The following MLKL variants were observed in gnomAD, a reference collection of about 807,000 sequenced individuals.
MLKL encodes mixed lineage kinase domain like pseudokinase, also known as mixed lineage kinase domain-like protein.
A neutral mutation model predicts 56.5 loss-of-function variants in MLKL; 55 were observed. The observed-to-expected ratio is 0.97, with a 90% CI of 0.78 to 1.22. The LOEUF (loss-of-function observed/expected upper bound fraction) is 1.22, where lower values mean the gene tolerates loss of function less well. Ranked by LOEUF, MLKL falls within the 50% of genes most tolerant of loss-of-function variation. MLKL has a pLI of 0.00. For missense variants in MLKL, 694 were observed against 573.9 expected, an observed-to-expected ratio of 1.21 and a Z score of -2.14; for synonymous variants, 251 against 208.3, an observed-to-expected ratio of 1.20 and a Z score of -1.76.
intron 4 of MLKL, 26 bp downstream of exon 4, chr16:74,691,251 C>T (rs373647414): frequency 1.5e-5 from 24 of 1,587,680 alleles, no homozygotes; most frequent in African/African-American, 1.1e-4. Context: ...TTGGTACACA[C>T]GAGAGAACCA....
chr16:74,684,688 G>C (rs1177661313), intron 5 of MLKL, among the ~76,000 whole-genome samples: 3 of 151,522 alleles, frequency 2.0e-5, no homozygotes, highest in African/African-American at 7.3e-5. Context: ...TAGAGACGGG[G>C]TTTCATCATG....
intron 5 of MLKL, among the ~76,000 whole-genome samples, chr16:74,683,274 C>A (rs1351854983): frequency 7.1e-6 from 1 of 140,538 alleles, no homozygotes; most frequent in Non-Finnish European, 1.5e-5. Context: ...GCCTGGGCAA[C>A]AGAGTGACAC....
rs1960975758 is a variant in MLKL, at chr16:74,695,526, T to C, written c.232A>G (p.Lys78Glu). 1 of 1,614,176 alleles carries C rather than the reference T, an allele frequency of 6.2e-7. No homozygotes were observed. The highest frequency in any genetic ancestry group is 8.5e-7 in the Non-Finnish European group (1 of 1,180,042). ...ALEEANGEIE[K>E]FSNRSNICRF... ...CAGATATTGGATCTATTGCTGAACT[T>C]TTCTATCTCCCCATTAGCCTCCTCC... The change falls in exon 2 of 11, where the codon AAG (lysine) becomes GAG (glutamate). Residue 78 changes from lysine to glutamate, a missense_variant. Transcript: ENST00000308807.
intron 5 of MLKL, among the ~76,000 whole-genome samples, chr16:74,684,781 C>A (rs909885581): frequency 6.6e-6 from 1 of 152,012 alleles, no homozygotes; most frequent in African/African-American, 2.4e-5. Flanking sequence ...CAGCGCCTGG[C>A]CAGGTAAGTT....
In MLKL at chr16:74,676,411, G is replaced by A. The variant is rs1959598869; in HGVS notation, c.1039-647C>T. 5.1e-6 allele frequency: 5 copies of A among 985,358 alleles called. No homozygotes were observed. The African/African-American group carries it at 8.7e-5, about 17-fold the overall frequency. The allele number at this position is 985,358 out of a possible 1,614,324, so 61.0% of individuals were successfully genotyped here. ...CTGAAGGCTGCCAGCCCCAAACTCA[G>A]CCAGGTACCCAAATCTAGGGGCAAT... On this transcript the variant is annotated intron_variant, in intron 7 of 10. Coordinates refer to ENST00000308807, the MANE Select transcript of MLKL (RefSeq NM_152649.4).
At chr16:74,690,944 T>G (rs1325430852) in intron 4 of MLKL, among the ~76,000 whole-genome samples, 3 of 151,846 alleles carry the variant, frequency 2.0e-5, no homozygotes, top group African/African-American at 4.8e-5. Context: ...GTTGTGAACA[T>G]GAAAAATGTA....
chr16:74,685,894 G>A (rs1438163296), intron 4 of MLKL, among the ~76,000 whole-genome samples: 1 of 151,884 alleles, frequency 6.6e-6, no homozygotes. Flanking sequence ...AAAAAGTCAA[G>A]TATTTGTTAC....
At chr16:74,676,374 A>G (rs2144451204) in intron 7 of MLKL, 4 of 985,456 alleles carry the variant, frequency 4.1e-6, no homozygotes, top group Non-Finnish European at 3.6e-6. Context: ...TGCCATTGAC[A>G]CCATTGGTGT....
chr16:74,700,128 C>A (rs183817696), intron 1 of MLKL, among the ~76,000 whole-genome samples: 1 of 151,936 alleles, frequency 6.6e-6, no homozygotes, highest in African/African-American at 2.4e-5. Flanking sequence ...TTTCCCTCTT[C>A]TCTCTCTCTC....
intron 2 of MLKL, among the ~76,000 whole-genome samples, chr16:74,694,542 A>G (rs972839640): frequency 2.0e-5 from 3 of 150,616 alleles, no homozygotes; most frequent in Admixed American, 2.0e-4. Context: ...AGGCAAGAGG[A>G]TCACTTGAGG....
Position 74,695,650 on chromosome 16 carries a change from G to A in MLKL, c.108C>T (p.Leu36=), listed in dbSNP as rs1428314127. Residue 36 remains leucine (L), a synonymous_variant, in exon 2 of 11, where the codon CTC becomes CTT. Coordinates refer to ENST00000308807, the MANE Select transcript of MLKL (RefSeq NM_152649.4). Reference sequence around the variant, plus strand: ...GCATCTCCAGAGGCTTGATCAGGCCGAGGACGCGGTGGCCCAGGCGCCGGC... The same window carrying A: ...GCATCTCCAGAGGCTTGATCAGGCCAAGGACGCGGTGGCCCAGGCGCCGGC... ...KQCRRLGHRV[L]GLIKPLEMLQ... The A allele has an allele frequency of 4.3e-6, 7 of 1,614,148 alleles. No individual in the cohort carries two copies. The East Asian group carries it at 1.3e-4, about 31-fold the overall frequency.
In MLKL at chr16:74,682,674, C is replaced by T. The variant is rs72792725; in HGVS notation, c.933G>A (p.Leu311=). Residue 311 remains leucine (L), a synonymous_variant, in exon 6 of 11, where the codon CTG becomes CTA. Transcript: ENST00000308807. ...LTLGKRMVLV[L]GAARGLYRLH... is the part of the protein sequence containing the mutation. The stretch of plus-strand genomic sequence containing the variant: ...ACCGGTATAGGCCTCGGGCTGCCCC[C>T]AGGACTAGGACCATGCGCTTGCCAA... 2 of 1,614,134 alleles carry T rather than the reference C, an allele frequency of 1.2e-6. No individual in the cohort carries two copies. The highest frequency in any genetic ancestry group is 1.7e-6 in the Non-Finnish European group (2 of 1,180,004).
intron 6 of MLKL, among the ~76,000 whole-genome samples, chr16:74,681,400 A>G (rs553730460): frequency 9.9e-5 from 15 of 152,200 alleles, no homozygotes; most frequent in Non-Finnish European, 1.9e-4. Context: ...TAGTATAGTT[A>G]AAACCCTGCA....
chr16:74,688,747 A>G (rs1960487458), intron 4 of MLKL, among the ~76,000 whole-genome samples: 1 of 152,182 alleles, frequency 6.6e-6, no homozygotes. Context: ...CAAAACCTGT[A>G]CATGAATGTA....
intron 4 of MLKL, among the ~76,000 whole-genome samples, chr16:74,686,613 G>C (rs781023802): frequency 1.3e-5 from 2 of 152,136 alleles, no homozygotes; most frequent in Non-Finnish European, 2.9e-5. Flanking sequence ...TATTTATTAA[G>C]TGAAATCTTA....
chr16:74,676,419 C>T (rs942229514), intron 7 of MLKL: 1 of 985,446 alleles, frequency 1.0e-6, no homozygotes, highest in African/African-American at 1.7e-5. Flanking sequence ...CAGCCAGGTA[C>T]CCAAATCTAG....
chr16:74,694,998 G>C (rs113859799), intron 2 of MLKL, among the ~76,000 whole-genome samples: 6 of 152,076 alleles, frequency 3.9e-5, no homozygotes, highest in African/African-American at 1.4e-4. Context: ...TCAGCCTCCC[G>C]AGTAGCTGGG....
chr16:74,683,499 G>A (rs369536068), intron 5 of MLKL, among the ~76,000 whole-genome samples: 5 of 151,030 alleles, frequency 3.3e-5, no homozygotes, highest in African/African-American at 1.2e-4. Context: ...GGGAGGCTGA[G>A]GCAGGAGAAT....
In MLKL at chr16:74,700,798, C is replaced by A. The variant is rs573439641; in HGVS notation, c.-348G>T. The A allele has an allele frequency of 3.9e-5, 6 of 152,426 alleles. No homozygotes were observed. In the East Asian group the frequency reaches 1.2e-3, roughly 29 times the overall value. 9.4% of individuals were successfully genotyped at this position (152,426 alleles called of 1,614,324 possible). ...AGGCCACTGCCTCAGGTCTGTGATG[C>A]CTGCAGAGAATGCTGCGACACTTCC... On this transcript the variant is annotated 5_prime_UTR_variant, in exon 1 of 11. Coordinates refer to ENST00000308807, the MANE Select transcript of MLKL (RefSeq NM_152649.4).
Sources: allele counts gnomAD v4.1 joint callset (sites outside exome capture counted in the v4.1 genomes callset), GRCh38; gene constraint gnomAD v4.1.1; transcripts MANE v1.5; gene names NCBI Gene and HGNC (gene_info 2026-07-23, HGNC 2026-07-21).